TIGIT: variants seen among roughly 807,000 people sequenced by gnomAD.
TIGIT encodes T-cell immunoreceptor with Ig and ITIM domains.
In TIGIT, 11 loss-of-function variants were observed where a neutral mutation model predicts 19.6. The ratio of observed to expected loss-of-function variants is 0.56; its 90% CI spans 0.35 to 0.93. The LOEUF is 0.93. Ranked by LOEUF, TIGIT falls within the 40% of genes least tolerant of loss-of-function variation. The probability of loss-of-function intolerance (pLI) is 0.01; values close to 1 mark genes in which losing one functional copy is unlikely to be tolerated. For missense variants in TIGIT, 295 were observed against 303.9 expected (o/e 0.97, Z 0.22); for synonymous variants, 130 against 125.5 (o/e 1.04, Z -0.24).
chr3:114,296,924 C>T (rs1048467564), intron 2 of TIGIT, among the ~76,000 whole-genome samples: 3 of 118,480 alleles, frequency 2.5e-5, no homozygotes, highest in South Asian at 2.6e-4. Context: ...GACGGAGTTT[C>T]GCTCTTGTTG....
chr3:114,308,254 G>T lies in TIGIT; in HGVS notation c.*123G>T. 2.7e-6 allele frequency: 2 copies of T among 741,212 alleles called. No homozygotes were observed. Among genetic ancestry groups the T allele is most frequent in the Non-Finnish European group, 2.3e-6 (1 of 436,034 alleles). The allele number at this position is 741,212 out of a possible 1,614,324, so 45.9% of individuals were successfully genotyped here. ...GTGTGTGTATGTGTGTGTGTGTTCA[G>T]TTGAGTGAATAAATGTCATCCTCTT... On this transcript the variant is annotated 3_prime_UTR_variant, in exon 4 of 4. Transcript: ENST00000383671.
intron 2 of TIGIT, 85 bp from the exon 3 acceptor site, chr3:114,299,512 C>A: frequency 9.6e-7 from 1 of 1,038,532 alleles, no homozygotes; most frequent in South Asian, 1.3e-5. Context: ...ATCCTCCCCT[C>A]TCTGCCGTGA....
intron 2 of TIGIT, among the ~76,000 whole-genome samples, chr3:114,296,427 T>A (rs931778057): frequency 1.3e-5 from 2 of 152,216 alleles, no homozygotes; most frequent in African/African-American, 4.8e-5. Context: ...AGAGACAGTA[T>A]AGCACCATGG....
In TIGIT at chr3:114,295,816, C is replaced by G. The variant is rs752561004; in HGVS notation, c.333C>G (p.His111Gln). Residue 111 changes from histidine to glutamine, a missense_variant, in exon 2 of 4, where the codon CAC becomes CAG. His to Gln is a conservative substitution (Grantham distance 24). Transcript: ENST00000383671. ...NDTGEYFCIY[H>Q]TYPDGTYTGR... ...CAGGGGAGTACTTCTGCATCTATCA[C>G]ACCTACCCTGATGGGACGTACACTG... 2.5e-6 allele frequency: 4 copies of G among 1,613,890 alleles called. No homozygotes were observed. The highest frequency in any genetic ancestry group is 3.4e-6 in the Non-Finnish European group (4 of 1,179,876).
chr3:114,299,572 C>T (rs1576138430), intron 2 of TIGIT, 25 bp from the exon 3 acceptor site: 3 of 1,559,878 alleles, frequency 1.9e-6, no homozygotes, highest in African/African-American at 1.4e-5. Context: ...TTCTGCCACT[C>T]ATCTCTGTTT....
chr3:114,307,023 A>C (rs1462519567), intron 3 of TIGIT, among the ~76,000 whole-genome samples: 1 of 152,198 alleles, frequency 6.6e-6, no homozygotes, highest in African/African-American at 2.4e-5. Context: ...GAAGACATGG[A>C]TATAGAGATG....
intron 1 of TIGIT, among the ~76,000 whole-genome samples, chr3:114,294,756 C>T (rs1172954139): frequency 6.6e-6 from 1 of 152,168 alleles, no homozygotes; most frequent in African/African-American, 2.4e-5. Flanking sequence ...CTGGGAGAAG[C>T]AGGGTTTCCT....
intron 3 of TIGIT, among the ~76,000 whole-genome samples, chr3:114,303,071 T>G (rs917152202): frequency 3.9e-5 from 6 of 152,194 alleles, no homozygotes; most frequent in Non-Finnish European, 8.8e-5. Context: ...AAATGTTAAT[T>G]TCATATAATT....
chr3:114,294,110 C>T lies in TIGIT; in HGVS notation c.49C>T (p.Pro17Ser), dbSNP rs2078438298. Residue 17 changes from proline (P) to serine (S), a missense_variant, in exon 1 of 4, where the codon CCC (proline) becomes TCC (serine). Pro to Ser is a moderately conservative substitution (Grantham distance 74). Coordinates refer to ENST00000383671, the MANE Select transcript of TIGIT (RefSeq NM_173799.4). ...CTGGGCCCAGGGGCTGAGGCAGGCTCCCCTCGCCTCAGGTAAGGCCTGAAA... is the reference window on the plus strand; with the variant it reads ...CTGGGCCCAGGGGCTGAGGCAGGCTTCCCTCGCCTCAGGTAAGGCCTGAAA... ...LIWAQGLRQA[P>S]LASGMMTGTI... 9 of 1,554,394 alleles carry T rather than the reference C, an allele frequency of 5.8e-6. No homozygotes were observed. The highest frequency in any genetic ancestry group is 7.8e-6 in the Non-Finnish European group (9 of 1,147,888).
rs1285543085 is a variant in TIGIT, at chr3:114,294,048, C to T, written c.-14C>T. 1.9e-6 allele frequency: 3 copies of T among 1,551,162 alleles called. No homozygotes were observed. Among genetic ancestry groups the T allele is most frequent in the Non-Finnish European group, 1.7e-6 (2 of 1,146,230 alleles). The stretch of plus-strand genomic sequence containing the variant: ...AGGCCACATCTGCTTCCTGTAGGCC[C>T]TCTGGGCAGAAGCATGCGCTGGTGT... On this transcript the variant is annotated 5_prime_UTR_variant, in exon 1 of 4. Coordinates refer to ENST00000383671, the MANE Select transcript of TIGIT (RefSeq NM_173799.4).
At position 114,301,673 on chromosome 3, in the gene TIGIT, T is replaced by C. The variant is rs140075851; in HGVS notation, c.498+1970T>C. ...TGGGCACCTGGACTAACTTTGGTCA[T>C]CTGGAGGGTAGAGAAAGAGAAAAAG... is the stretch of plus-strand genomic sequence containing the variant. On this transcript the variant is annotated intron_variant, in intron 3 of 3. Coordinates refer to ENST00000383671, the MANE Select transcript of TIGIT (RefSeq NM_173799.4). Among the ~76,000 whole-genome samples the C allele has an allele frequency of 9.4e-3, 1,432 of 152,290 alleles. 14 individuals are homozygous for C. The highest frequency in any genetic ancestry group is 0.025 in the South Asian group (119 of 4,826).
intron 2 of TIGIT, among the ~76,000 whole-genome samples, chr3:114,297,656 C>A (rs1239584561): frequency 6.6e-6 from 1 of 152,174 alleles, no homozygotes. Flanking sequence ...TGCTAATCTC[C>A]AGGCCAGGCC....
chr3:114,299,541 G>A, intron 2 of TIGIT, 56 bp from the exon 3 acceptor site: 3 of 1,371,614 alleles, frequency 2.2e-6, no homozygotes, highest in Non-Finnish European at 3.1e-6. Context: ...CTGCCCTGGG[G>A]AAATCAGCTT....
At chr3:114,303,578 T>C (rs1224195032) in intron 3 of TIGIT, among the ~76,000 whole-genome samples, 12 of 6,764 alleles carry the variant, frequency 1.8e-3, no homozygotes, top group Non-Finnish European at 2.5e-3. Context: ...TATATGTATA[T>C]ATATATATAC....
intron 3 of TIGIT, among the ~76,000 whole-genome samples, chr3:114,306,806 A>G (rs1007103562): frequency 1.3e-5 from 2 of 152,192 alleles, no homozygotes; most frequent in African/African-American, 2.4e-5. Context: ...AAAATTTTCT[A>G]TACAATTTAC....
At chr3:114,299,497 G>A (rs2078475591) in intron 2 of TIGIT, 100 bp from the exon 3 acceptor site, 4 of 846,112 alleles carry the variant, frequency 4.7e-6, no homozygotes, top group Non-Finnish European at 7.9e-6. Flanking sequence ...CAAAGGGCTT[G>A]GCCAATCCTC....
intron 1 of TIGIT, 45 bp from the exon 2 acceptor site, chr3:114,295,500 C>A: frequency 6.6e-7 from 1 of 1,526,180 alleles, no homozygotes; most frequent in South Asian, 1.2e-5. Context: ...GGTTGAAGGC[C>A]AGCTGCTGAC....
intron 1 of TIGIT, 75 bp downstream of exon 1, chr3:114,294,197 G>T (rs2078439167): frequency 1.6e-6 from 2 of 1,239,688 alleles, no homozygotes; most frequent in African/African-American, 3.0e-5. Flanking sequence ...GGGTGCTTGT[G>T]TAGGGAAGAC....
intron 3 of TIGIT, among the ~76,000 whole-genome samples, chr3:114,303,632 C>CATATATATGTATATATAT (rs2078512062): frequency 7.9e-6 from 1 of 126,312 alleles, no homozygotes; most frequent in African/African-American, 3.4e-5. Flanking sequence ...TATATATATA[C>CATATATATGTATATATAT]ACACACACAC....
Sources: gnomAD v4.1 joint callset for allele counts (sites outside exome capture counted in the v4.1 genomes callset) on GRCh38, gnomAD v4.1.1 for gene constraint, MANE v1.5 for transcripts, NCBI Gene and HGNC (gene_info 2026-07-23, HGNC 2026-07-21) for gene names.